The following LRRC3B variants were observed in gnomAD, a reference collection of about 807,000 sequenced individuals.
LRRC3B encodes leucine-rich repeat-containing protein 3B.
In LRRC3B, 2 loss-of-function variants were observed where a neutral mutation model predicts 12.8. The observed-to-expected ratio is 0.16, with a 90% CI of 0.06 to 0.49. LRRC3B has a LOEUF of 0.49. Among genes scored for constraint, LRRC3B ranks in the 20% least tolerant of loss-of-function variants. LRRC3B has a pLI of 0.96. For synonymous variants in LRRC3B, 132 were observed against 122.0 expected, an observed-to-expected ratio of 1.08 and a Z score of -0.54; for missense variants, 189 against 319.4, an observed-to-expected ratio of 0.59 and a Z score of 3.11.
At chr3:26,659,665 A>T (rs1483927380) in intron 1 of LRRC3B, among the ~76,000 whole-genome samples, 1 of 152,122 alleles carries the variant, frequency 6.6e-6, no homozygotes, top group Non-Finnish European at 1.5e-5. Context: ...TTTGCCTGGG[A>T]CACACACATG....
At chr3:26,691,121 A>G (rs1319026216) in intron 1 of LRRC3B, among the ~76,000 whole-genome samples, 2 of 141,220 alleles carry the variant, frequency 1.4e-5, no homozygotes, top group Admixed American at 7.2e-5. Context: ...ATATATATAT[A>G]TATATATATA....
At chr3:26,635,312 A>G (rs1173373089) in intron 1 of LRRC3B, among the ~76,000 whole-genome samples, 2 of 152,136 alleles carry the variant, frequency 1.3e-5, no homozygotes, top group African/African-American at 4.8e-5. Flanking sequence ...TACTGAACTA[A>G]TATTATAGAT....
At chr3:26,698,157 T>G (rs983048609) in intron 1 of LRRC3B, among the ~76,000 whole-genome samples, 7 of 151,812 alleles carry the variant, frequency 4.6e-5, no homozygotes, top group African/African-American at 1.2e-4. Flanking sequence ...GTACTAGGAG[T>G]GGTAGTAGCA....
At chr3:26,659,349 T>C (rs1354293316) in intron 1 of LRRC3B, among the ~76,000 whole-genome samples, 1 of 152,228 alleles carries the variant, frequency 6.6e-6, no homozygotes, top group African/African-American at 2.4e-5. Flanking sequence ...ATTCAGATTC[T>C]TCCATTTGCA....
At chr3:26,647,895 A>C (rs993728482) in intron 1 of LRRC3B, among the ~76,000 whole-genome samples, 1 of 152,138 alleles carries the variant, frequency 6.6e-6, no homozygotes, top group Non-Finnish European at 1.5e-5. Context: ...TCCCCGCGCC[A>C]AGCTTTGCTT....
chr3:26,638,475 C>G (rs1252436703), intron 1 of LRRC3B, among the ~76,000 whole-genome samples: 1 of 152,174 alleles, frequency 6.6e-6, no homozygotes, highest in South Asian at 2.1e-4. Flanking sequence ...ATGGCCTCAT[C>G]ATGGACCTGT....
intron 1 of LRRC3B, among the ~76,000 whole-genome samples, chr3:26,664,389 C>A (rs1266723216): frequency 6.6e-6 from 1 of 152,064 alleles, no homozygotes; most frequent in Non-Finnish European, 1.5e-5. Flanking sequence ...ACTGCTACTA[C>A]CCCTAGTTTT....
chr3:26,631,544 T>C (rs938301880), intron 1 of LRRC3B, among the ~76,000 whole-genome samples: 1 of 152,222 alleles, frequency 6.6e-6, no homozygotes, highest in African/African-American at 2.4e-5. Flanking sequence ...GAGTGTTTCC[T>C]AAACAGATGG....
intron 1 of LRRC3B, among the ~76,000 whole-genome samples, chr3:26,654,165 G>T (rs1318961927): frequency 1.3e-5 from 2 of 152,184 alleles, no homozygotes; most frequent in African/African-American, 4.8e-5. Flanking sequence ...GACCAGGATG[G>T]ACCTAAAAAA....
Position 26,692,531 on chromosome 3 carries a change from A to G in LRRC3B, c.-160-16982A>G, listed in dbSNP as rs1700212939. Among the ~76,000 whole-genome samples the G allele has an allele frequency of 2.0e-5, 3 of 152,206 alleles. No homozygotes were observed. The South Asian group carries it at 6.2e-4, about 32-fold the overall frequency. ...TCATGGTCAGCAAATAGAATTAAAT[A>G]ATTTGGTATCTAATGACAATGGAAC... is the stretch of plus-strand genomic sequence containing the variant. On this transcript the variant is annotated intron_variant, in intron 1 of 1. Transcript: ENST00000396641.
At chr3:26,661,239 A>T (rs1699485899) in intron 1 of LRRC3B, among the ~76,000 whole-genome samples, 2 of 152,188 alleles carry the variant, frequency 1.3e-5, no homozygotes, top group South Asian at 4.1e-4. Flanking sequence ...CAAAAGGCAG[A>T]TTCCTCTCTT....
At chr3:26,636,014 T>C (rs1378092633) in intron 1 of LRRC3B, among the ~76,000 whole-genome samples, 2 of 151,626 alleles carry the variant, frequency 1.3e-5, no homozygotes, top group African/African-American at 2.4e-5. Flanking sequence ...TAGCAACCTC[T>C]ACTTTTTTTT....
At chr3:26,668,262 A>C (rs1317358268) in intron 1 of LRRC3B, among the ~76,000 whole-genome samples, 3 of 152,122 alleles carry the variant, frequency 2.0e-5, no homozygotes, top group Admixed American at 2.0e-4. Context: ...AGTAGCAAGC[A>C]AGAAAGCTAT....
intron 1 of LRRC3B, among the ~76,000 whole-genome samples, chr3:26,670,935 C>T (rs1699707012): frequency 6.7e-6 from 1 of 150,026 alleles, no homozygotes; most frequent in Admixed American, 6.6e-5. Flanking sequence ...AATGTGTGTT[C>T]ATAGCATGCT....
intron 1 of LRRC3B, among the ~76,000 whole-genome samples, chr3:26,629,440 C>G (rs541584109): frequency 1.2e-4 from 18 of 152,174 alleles, no homozygotes; most frequent in Non-Finnish European, 1.9e-4. Context: ...CATGGCTTTC[C>G]CCTGAGTCTT....
At chr3:26,638,403 G>C (rs540139418) in intron 1 of LRRC3B, among the ~76,000 whole-genome samples, 2 of 152,100 alleles carry the variant, frequency 1.3e-5, no homozygotes, top group East Asian at 1.9e-4. Context: ...TTCAATTAAG[G>C]GTCAACGGAA....
intron 1 of LRRC3B, among the ~76,000 whole-genome samples, chr3:26,706,793 A>G (rs973551436): frequency 6.6e-6 from 1 of 152,216 alleles, no homozygotes; most frequent in Non-Finnish European, 1.5e-5. Flanking sequence ...CTGAACATAT[A>G]TGACTTTTCC....
chr3:26,670,412 G>A (rs1699695686), intron 1 of LRRC3B, among the ~76,000 whole-genome samples: 1 of 152,150 alleles, frequency 6.6e-6, no homozygotes, highest in South Asian at 2.1e-4. Context: ...TGTTCATTGT[G>A]TTATGATTCC....
At chr3:26,710,083 G>A in exon 2 of LRRC3B, 2 of 1,614,030 alleles carry the variant, frequency 1.2e-6, no homozygotes, top group Non-Finnish European at 1.7e-6. Flanking sequence ...ATAACCTGAA[G>A]GCCAGGGCCA....
Sources: allele counts gnomAD v4.1 joint callset (sites outside exome capture counted in the v4.1 genomes callset), GRCh38; gene constraint gnomAD v4.1.1; transcripts MANE v1.5; gene names NCBI Gene and HGNC (gene_info 2026-07-23, HGNC 2026-07-21).